DOCK2: variants seen among roughly 807,000 people sequenced by gnomAD.
DOCK2 encodes dedicator of cytokinesis protein 2.
A neutral mutation model predicts 248.9 loss-of-function variants in DOCK2; 87 were observed. The ratio of observed to expected loss-of-function variants is 0.35; its 90% confidence interval spans 0.29 to 0.42. The LOEUF (loss-of-function observed/expected upper bound fraction) is 0.42. Among genes scored for constraint, DOCK2 ranks in the 10% least tolerant of loss-of-function variants. DOCK2 has a pLI of 1.00. For synonymous variants in DOCK2, 805 were observed against 821.6 expected (o/e 0.98, Z 0.35); for missense variants, 1,747 against 2,300.2 (o/e 0.76, Z 4.92).
intron 38 of DOCK2, among the ~76,000 whole-genome samples, chr5:170,043,302 C>T (rs553055291): frequency 6.6e-6 from 1 of 152,244 alleles, no homozygotes; most frequent in Admixed American, 6.5e-5. Flanking sequence ...CTAGTTGTAC[C>T]GTGAAAATAG....
intron 26 of DOCK2, among the ~76,000 whole-genome samples, chr5:169,823,141 C>CA (rs972051863): frequency 2.6e-5 from 4 of 151,992 alleles, no homozygotes; most frequent in Non-Finnish European, 4.4e-5. Flanking sequence ...GCTTACCAGC[C>CA]AAAAAAAGTC....
chr5:169,942,006 G>A (rs1201931769), intron 27 of DOCK2, among the ~76,000 whole-genome samples: 2 of 152,194 alleles, frequency 1.3e-5, no homozygotes, highest in Non-Finnish European at 2.9e-5. Context: ...CTGTTCTGTA[G>A]TTGCAAAATA....
At chr5:170,046,819 G>A (rs898867866) in intron 39 of DOCK2, among the ~76,000 whole-genome samples, 1 of 151,978 alleles carries the variant, frequency 6.6e-6, no homozygotes, top group African/African-American at 2.4e-5. Context: ...ACTAATGTAT[G>A]TGCACTTGCC....
chr5:169,678,526 G>A (rs557418279), intron 6 of DOCK2, among the ~76,000 whole-genome samples: 1 of 152,166 alleles, frequency 6.6e-6, no homozygotes, highest in South Asian at 2.1e-4. Context: ...GCCTGCAAAA[G>A]TGCTGGGATT....
intron 25 of DOCK2, among the ~76,000 whole-genome samples, chr5:169,793,260 T>C (rs1299436386): frequency 1.3e-5 from 2 of 152,244 alleles, no homozygotes; most frequent in African/African-American, 4.8e-5. Flanking sequence ...ATGTCGACTC[T>C]GCCTTCAAAA....
intron 25 of DOCK2, among the ~76,000 whole-genome samples, chr5:169,780,399 T>C (rs1765646570): frequency 6.6e-6 from 1 of 151,714 alleles, no homozygotes; most frequent in Admixed American, 6.6e-5. Flanking sequence ...TCTTTTCTCA[T>C]GGTGTGTTAA....
chr5:170,005,586 G>A (rs938165269), intron 30 of DOCK2, among the ~76,000 whole-genome samples: 1 of 152,198 alleles, frequency 6.6e-6, no homozygotes, highest in Non-Finnish European at 1.5e-5. Context: ...GTGGGGAGAA[G>A]AGGGACTGAC....
At chr5:169,869,035 G>A (rs1771773468) in intron 27 of DOCK2, among the ~76,000 whole-genome samples, 1 of 152,124 alleles carries the variant, frequency 6.6e-6, no homozygotes, top group South Asian at 2.1e-4. Context: ...TTCCTCGCTG[G>A]GTGGCTGTGC....
At chr5:169,737,464 G>T (rs1274045566) in intron 22 of DOCK2, among the ~76,000 whole-genome samples, 1 of 152,158 alleles carries the variant, frequency 6.6e-6, no homozygotes, top group Non-Finnish European at 1.5e-5. Context: ...TGGCATACAT[G>T]TCCTAGAATC....
At chr5:170,073,992 T>G (rs1757761277) in intron 46 of DOCK2, among the ~76,000 whole-genome samples, 1 of 152,142 alleles carries the variant, frequency 6.6e-6, no homozygotes, top group African/African-American at 2.4e-5. Context: ...TGAATTTAGT[T>G]CGCTGTTCTT....
intron 27 of DOCK2, among the ~76,000 whole-genome samples, chr5:169,874,089 A>G (rs1442535339): frequency 6.8e-6 from 1 of 146,470 alleles, no homozygotes; most frequent in Non-Finnish European, 1.5e-5. Flanking sequence ...GTCCAGAAGA[A>G]TTTATGAGTG....
chr5:169,802,001 C>T lies in DOCK2; in HGVS notation c.2555-1057C>T, dbSNP rs558357203. On this transcript the variant is annotated intron_variant, in intron 25 of 51. Transcript: ENST00000520908. Reference sequence around the variant, plus strand: ...ATTGCAGCTCAAGCAGCATCTGAGTCGGGGCAGCTTGACACATGTTTGGAT... The same window carrying T: ...ATTGCAGCTCAAGCAGCATCTGAGTTGGGGCAGCTTGACACATGTTTGGAT... Among the ~76,000 whole-genome samples the T allele has an allele frequency of 7.3e-5, 11 of 151,596 alleles. No individual in the cohort carries two copies. In the East Asian group the frequency reaches 1.9e-3, roughly 27 times the overall value.
At chr5:169,707,217 A>G (rs1178476720) in intron 14 of DOCK2, among the ~76,000 whole-genome samples, 1 of 152,206 alleles carries the variant, frequency 6.6e-6, no homozygotes, top group Non-Finnish European at 1.5e-5. Context: ...GTATGTGACC[A>G]GGAGGTCATT....
intron 27 of DOCK2, among the ~76,000 whole-genome samples, chr5:169,899,831 C>G (rs1462248902): frequency 6.6e-6 from 1 of 152,182 alleles, no homozygotes; most frequent in Non-Finnish European, 1.5e-5. Context: ...TTCTTACTTT[C>G]TTTACTCTCA....
intron 33 of DOCK2, among the ~76,000 whole-genome samples, chr5:170,024,614 A>G (rs1008092410): frequency 1.3e-5 from 2 of 152,150 alleles, no homozygotes; most frequent in Non-Finnish European, 1.5e-5. Context: ...TTACAGTACC[A>G]CTATGAAGGA....
chr5:169,940,703 C>A (rs1259067454), intron 27 of DOCK2, among the ~76,000 whole-genome samples: 1 of 152,154 alleles, frequency 6.6e-6, no homozygotes, highest in Non-Finnish European at 1.5e-5. Context: ...AGAATCTAAT[C>A]CCACCACTGA....
intron 26 of DOCK2, among the ~76,000 whole-genome samples, chr5:169,809,390 A>G (rs900502827): frequency 6.6e-6 from 1 of 152,096 alleles, no homozygotes. Flanking sequence ...CCAATTTCTC[A>G]TCTTTCTCTG....
At chr5:169,719,402 A>G (rs1210014381) in intron 22 of DOCK2, among the ~76,000 whole-genome samples, 1 of 152,214 alleles carries the variant, frequency 6.6e-6, no homozygotes, top group African/African-American at 2.4e-5. Flanking sequence ...TAGGTAGAGG[A>G]TTGTTTGTGT....
At position 170,034,465 on chromosome 5, in the gene DOCK2, C is replaced by T; in HGVS notation, c.3534C>T (p.Val1178=). The T allele has an allele frequency of 6.2e-7, 1 of 1,614,152 alleles. No homozygotes were observed. The highest frequency in any genetic ancestry group is 8.5e-7 in the Non-Finnish European group (1 of 1,180,012). Residue 1178 remains valine (V), a synonymous_variant, in exon 35 of 52, where the codon GTC becomes GTT. Transcript: ENST00000520908. ...CGGTGGAGAACTTCGTGAACCTGGT[C>T]AAAGGCCTCCTGGAGAAGCTGCTGG... is the stretch of plus-strand genomic sequence containing the variant. ...AKSVENFVNL[V]KGLLEKLLDY... is the part of the protein sequence containing the mutation.
Sources: gnomAD v4.1 joint callset for allele counts (sites outside exome capture counted in the v4.1 genomes callset) on GRCh38, gnomAD v4.1.1 for gene constraint, MANE v1.5 for transcripts, NCBI Gene and HGNC (gene_info 2026-07-23, HGNC 2026-07-21) for gene names.